The following ZRANB3 variants were observed in gnomAD, a reference collection of about 807,000 sequenced individuals.
The protein encoded by ZRANB3 is DNA annealing helicase and endonuclease ZRANB3.
In ZRANB3, 125 loss-of-function variants were observed where a neutral mutation model predicts 133.8. The observed-to-expected ratio is 0.93, with a 90% CI of 0.81 to 1.08. The LOEUF (loss-of-function observed/expected upper bound fraction) is 1.08. Among genes scored for constraint, ZRANB3 ranks in the 50% least tolerant of loss-of-function variants. The probability of loss-of-function intolerance (pLI) is 0.00; values close to 1 mark genes in which losing one functional copy is unlikely to be tolerated. For synonymous variants in ZRANB3, 387 were observed against 432.7 expected (o/e 0.89, Z 1.31); for missense variants, 1,229 against 1,275.5 (o/e 0.96, Z 0.56).
chr2:135,406,644 C>T (rs1688048379), intron 2 of ZRANB3, among the ~76,000 whole-genome samples: 3 of 152,202 alleles, frequency 2.0e-5, no homozygotes, highest in Non-Finnish European at 4.4e-5. Context: ...GGCTTCATCC[C>T]TGGGATGCAA....
chr2:135,462,204 C>T (rs1214212605), intron 2 of ZRANB3, among the ~76,000 whole-genome samples: 1 of 152,172 alleles, frequency 6.6e-6, no homozygotes. Flanking sequence ...CATAAAGGCA[C>T]TGATGGACAC....
chr2:135,440,897 T>C (rs1312705499), intron 2 of ZRANB3, among the ~76,000 whole-genome samples: 8 of 152,266 alleles, frequency 5.3e-5, no homozygotes, highest in Non-Finnish European at 1.2e-4. Context: ...TTAGTGAATT[T>C]GATAGAGCAA....
intron 8 of ZRANB3, among the ~76,000 whole-genome samples, chr2:135,291,624 T>A (rs1455715349): frequency 6.6e-6 from 1 of 152,022 alleles, no homozygotes; most frequent in Non-Finnish European, 1.5e-5. Flanking sequence ...CTTTAAGTTT[T>A]AGGGTACATG....
intron 15 of ZRANB3, among the ~76,000 whole-genome samples, chr2:135,223,139 CT>C (rs1483204579): frequency 1.3e-5 from 2 of 151,148 alleles, no homozygotes; most frequent in Non-Finnish European, 3.0e-5. Context: ...GTAGTCCCAG[CT>C]ACCTGGAGGC....
At chr2:135,413,704 G>A (rs910751942) in intron 2 of ZRANB3, among the ~76,000 whole-genome samples, 11 of 151,966 alleles carry the variant, frequency 7.2e-5, no homozygotes, top group African/African-American at 2.7e-4. Context: ...AATTTGATAC[G>A]CAACCAAGAT....
chr2:135,328,932 T>C (rs1683989467), intron 6 of ZRANB3, among the ~76,000 whole-genome samples: 1 of 152,234 alleles, frequency 6.6e-6, no homozygotes, highest in Non-Finnish European at 1.5e-5. Flanking sequence ...GAAATTTGTT[T>C]AAGTTCTTTG....
At chr2:135,383,751 C>T (rs1305369988) in intron 3 of ZRANB3, among the ~76,000 whole-genome samples, 2 of 152,046 alleles carry the variant, frequency 1.3e-5, no homozygotes, top group Admixed American at 1.3e-4. Context: ...TTACTGGGTA[C>T]ATAATGAAAT....
intron 12 of ZRANB3, among the ~76,000 whole-genome samples, chr2:135,246,266 G>A (rs528117341): frequency 2.6e-5 from 4 of 151,818 alleles, no homozygotes; most frequent in African/African-American, 9.6e-5. Context: ...AGCAGGTATT[G>A]GGAACATGTC....
At chr2:135,342,614 T>C (rs2104862359) in intron 6 of ZRANB3, among the ~76,000 whole-genome samples, 1 of 149,598 alleles carries the variant, frequency 6.7e-6, no homozygotes, top group South Asian at 2.1e-4. Context: ...CCGTCTTTTT[T>C]CTTTTTTTTT....
chr2:135,323,748 A>AT (rs1387592235), intron 6 of ZRANB3, among the ~76,000 whole-genome samples: 2 of 151,722 alleles, frequency 1.3e-5, no homozygotes, highest in Non-Finnish European at 2.9e-5. Context: ...CCTCACCTTG[A>AT]TTTTTTCTCT....
At chr2:135,500,076 C>T (rs1692866490) in intron 2 of ZRANB3, among the ~76,000 whole-genome samples, 1 of 152,108 alleles carries the variant, frequency 6.6e-6, no homozygotes, top group Non-Finnish European at 1.5e-5. Context: ...AAGACAATTC[C>T]TTCACAGCTC....
chr2:135,417,088 A>G (rs1427016807), intron 2 of ZRANB3, among the ~76,000 whole-genome samples: 2 of 152,244 alleles, frequency 1.3e-5, no homozygotes, highest in South Asian at 2.1e-4. Flanking sequence ...AGCAATGGCA[A>G]CAAAAGCCAA....
chr2:135,411,230 C>A (rs1476582506), intron 2 of ZRANB3, among the ~76,000 whole-genome samples: 1 of 151,650 alleles, frequency 6.6e-6, no homozygotes, highest in Non-Finnish European at 1.5e-5. Flanking sequence ...AGAGTGAGAC[C>A]CTGTCTCAAA....
chr2:135,452,717 T>C (rs1690328793), intron 2 of ZRANB3, among the ~76,000 whole-genome samples: 1 of 152,246 alleles, frequency 6.6e-6, no homozygotes, highest in African/African-American at 2.4e-5. Context: ...CAGGTCATGC[T>C]GATACAAGAG....
At chr2:135,227,406 T>C (rs1404734518) in intron 14 of ZRANB3, among the ~76,000 whole-genome samples, 3 of 152,228 alleles carry the variant, frequency 2.0e-5, no homozygotes, top group Non-Finnish European at 4.4e-5. Context: ...CAATTAAGTA[T>C]AACTATTTAC....
At chr2:135,451,560 TCAAAAAAA>T (rs911592331) in intron 2 of ZRANB3, among the ~76,000 whole-genome samples, 17 of 148,436 alleles carry the variant, frequency 1.1e-4, no homozygotes, top group African/African-American at 3.5e-4. Flanking sequence ...AGACTCCATC[TCAAAAAAA>T]CAAAAAAACA....
intron 1 of ZRANB3, among the ~76,000 whole-genome samples, chr2:135,526,663 T>C (rs1002776825): frequency 6.6e-6 from 1 of 152,240 alleles, no homozygotes; most frequent in Non-Finnish European, 1.5e-5. Context: ...CTTAAAATTG[T>C]CCTGCAAAGT....
At chr2:135,213,278 C>G (rs2105045955) in intron 17 of ZRANB3, among the ~76,000 whole-genome samples, 1 of 152,242 alleles carries the variant, frequency 6.6e-6, no homozygotes, top group Admixed American at 6.5e-5. Flanking sequence ...CTCTACTGAG[C>G]CTGATGTTTC....
intron 2 of ZRANB3, among the ~76,000 whole-genome samples, chr2:135,416,065 G>A (rs371021947): frequency 3.9e-5 from 6 of 151,970 alleles, no homozygotes; most frequent in African/African-American, 1.2e-4. Flanking sequence ...GGATGCCCTC[G>A]CTCATCACTC....
Sources: gnomAD v4.1 joint callset for allele counts (sites outside exome capture counted in the v4.1 genomes callset) on GRCh38, gnomAD v4.1.1 for gene constraint, MANE v1.5 for transcripts, NCBI Gene and HGNC (gene_info 2026-07-23, HGNC 2026-07-21) for gene names.